EFNA5: variants seen among roughly 807,000 people sequenced by gnomAD.
EFNA5 encodes the protein ephrin A5.
EFNA5 carries 5 observed loss-of-function variants against 22.9 expected under a neutral mutation model. The ratio of observed to expected loss-of-function variants is 0.22; its 90% confidence interval spans 0.11 to 0.46. The LOEUF is 0.46. Among genes scored for constraint, EFNA5 ranks in the 20% least tolerant of loss-of-function variants. The probability of loss-of-function intolerance (pLI) is 0.99; values close to 1 mark genes in which losing one functional copy is unlikely to be tolerated. For missense variants in EFNA5, 237 were observed against 293.3 expected, an observed-to-expected ratio of 0.81 and a Z score of 1.40; for synonymous variants, 113 against 112.2, an observed-to-expected ratio of 1.01 and a Z score of -0.04.
chr5:107,454,063 A>G (rs1835111), intron 1 of EFNA5, among the ~76,000 whole-genome samples: 27,326 of 152,094 alleles, frequency 0.18, 3,175 homozygotes, highest in South Asian at 0.37. Flanking sequence ...ACAAAAGCCA[A>G]TAATTCCCTT....
intron 1 of EFNA5, among the ~76,000 whole-genome samples, chr5:107,590,997 T>C (rs1010533118): frequency 2.0e-5 from 3 of 152,148 alleles, no homozygotes; most frequent in Non-Finnish European, 4.4e-5. Context: ...AAAGCTATCA[T>C]TGTACATATT....
At chr5:107,447,971 C>T (rs1283663869) in intron 1 of EFNA5, among the ~76,000 whole-genome samples, 19 of 152,114 alleles carry the variant, frequency 1.2e-4, no homozygotes, top group African/African-American at 4.6e-4. Flanking sequence ...CTCAGCCTCC[C>T]GAGTAGCTGG....
At chr5:107,605,511 T>C (rs551303176) in intron 1 of EFNA5, among the ~76,000 whole-genome samples, 1 of 152,300 alleles carries the variant, frequency 6.6e-6, no homozygotes, top group East Asian at 1.9e-4. Flanking sequence ...GATTTAAGGC[T>C]GACCTACCAG....
intron 1 of EFNA5, among the ~76,000 whole-genome samples, chr5:107,569,703 T>C (rs1226343210): frequency 4.1e-5 from 6 of 146,808 alleles, no homozygotes; most frequent in African/African-American, 1.2e-4. Flanking sequence ...TACAAAAAAA[T>C]TAGCCAGGCA....
rs34019093 is a variant in EFNA5 at position 107,637,837 on chromosome 5, T to TTTTATTTA, written c.125+32644_125+32651dup. Among the ~76,000 whole-genome samples, 816 of 147,740 alleles carry TTTTATTTA rather than the reference T, an allele frequency of 5.5e-3. 6 individuals are homozygous for TTTTATTTA. The highest frequency in any genetic ancestry group is 9.3e-3 in the Non-Finnish European group (622 of 66,864). On this transcript the variant is annotated intron_variant, in intron 1 of 4. Transcript: ENST00000333274. ...ACAAAAAACTAAGCTAACAGTTTAT[T>TTTTATTTA]TTTATTTATTTATTTATTTATTTAT...
intron 1 of EFNA5, among the ~76,000 whole-genome samples, chr5:107,623,589 A>G (rs1287409272): frequency 6.6e-6 from 1 of 152,186 alleles, no homozygotes; most frequent in African/African-American, 2.4e-5. Context: ...TCCATGAAGT[A>G]CTGTACAGCA....
At chr5:107,392,990 C>T (rs536748252) in intron 2 of EFNA5, among the ~76,000 whole-genome samples, 3 of 152,332 alleles carry the variant, frequency 2.0e-5, no homozygotes, top group East Asian at 1.9e-4. Context: ...CATTTTCCTT[C>T]GCATACAACT....
At chr5:107,538,274 A>C (rs1747967261) in intron 1 of EFNA5, among the ~76,000 whole-genome samples, 1 of 152,224 alleles carries the variant, frequency 6.6e-6, no homozygotes, top group Non-Finnish European at 1.5e-5. Flanking sequence ...TTGTCCATCC[A>C]AATTCATTTT....
intron 1 of EFNA5, among the ~76,000 whole-genome samples, chr5:107,665,792 A>C (rs1196545535): frequency 6.6e-6 from 1 of 152,138 alleles, no homozygotes; most frequent in East Asian, 1.9e-4. Context: ...AAAAAACAGG[A>C]ATCATACTTC....
chr5:107,493,503 A>G (rs1746871743), intron 1 of EFNA5, among the ~76,000 whole-genome samples: 1 of 152,232 alleles, frequency 6.6e-6, no homozygotes, highest in Non-Finnish European at 1.5e-5. Flanking sequence ...CCTAAATACC[A>G]TGGCTCCAAT....
chr5:107,545,306 A>G (rs1157090813), intron 1 of EFNA5, among the ~76,000 whole-genome samples: 1 of 152,244 alleles, frequency 6.6e-6, no homozygotes, highest in Admixed American at 6.5e-5. Flanking sequence ...CACATGCAGT[A>G]TTTCTAATGA....
At chr5:107,406,219 C>A (rs1026180436) in intron 2 of EFNA5, among the ~76,000 whole-genome samples, 7 of 148,790 alleles carry the variant, frequency 4.7e-5, no homozygotes, top group African/African-American at 1.7e-4. Context: ...ATAATGTATA[C>A]AAATATTAAA....
At position 107,670,745 on chromosome 5, in the gene EFNA5, T is replaced by A. The variant is rs35553; in HGVS notation, c.-132A>T. ...AAATATGAATAAATAAAAATGAAAG[T>A]GGGCGAGAAAGGAAAGAGGCGCCCA... is the stretch of plus-strand genomic sequence containing the variant. On this transcript the variant is annotated 5_prime_UTR_variant, in exon 1 of 5. Coordinates refer to ENST00000333274, the MANE Select transcript of EFNA5 (RefSeq NM_001962.3). The A allele has an allele frequency of 3.1e-6, 4 of 1,298,036 alleles. No homozygotes were observed. Among genetic ancestry groups the A allele is most frequent in the Non-Finnish European group, 4.2e-6 (4 of 955,716 alleles). The allele number at this position is 1,298,036 out of a possible 1,614,324, so 80.4% of individuals were successfully genotyped here.
intron 1 of EFNA5, among the ~76,000 whole-genome samples, chr5:107,659,526 T>G (rs979572922): frequency 6.6e-6 from 1 of 150,856 alleles, no homozygotes; most frequent in Non-Finnish European, 1.5e-5. Context: ...AGTTTCCTTT[T>G]CTTTCTCAAA....
chr5:107,429,364 C>G (rs748606081), intron 1 of EFNA5, among the ~76,000 whole-genome samples: 1 of 152,136 alleles, frequency 6.6e-6, no homozygotes, highest in Non-Finnish European at 1.5e-5. Flanking sequence ...AAGAATGGCA[C>G]GAACCTGGAA....
At chr5:107,484,577 A>G (rs187776689) in intron 1 of EFNA5, among the ~76,000 whole-genome samples, 126 of 152,318 alleles carry the variant, frequency 8.3e-4, no homozygotes, top group African/African-American at 2.9e-3. Context: ...CCAATGAGAC[A>G]AACTGTATAA....
intron 1 of EFNA5, among the ~76,000 whole-genome samples, chr5:107,532,844 A>C (rs894977102): frequency 1.3e-5 from 2 of 152,218 alleles, no homozygotes; most frequent in African/African-American, 4.8e-5. Context: ...TTAAGTATGA[A>C]TACTTTACGC....
intron 1 of EFNA5, among the ~76,000 whole-genome samples, chr5:107,515,235 AC>A (rs1561419240): frequency 6.6e-6 from 1 of 150,878 alleles, no homozygotes; most frequent in Non-Finnish European, 1.5e-5. Context: ...ATGGGGTTCC[AC>A]CATGTTGGCC....
intron 1 of EFNA5, among the ~76,000 whole-genome samples, chr5:107,651,191 C>A (rs1443116233): frequency 2.6e-5 from 4 of 152,094 alleles, no homozygotes; most frequent in Non-Finnish European, 5.9e-5. Flanking sequence ...GGCCAAGGGA[C>A]CTTTGGCTAG....
Sources: allele counts gnomAD v4.1 joint callset (sites outside exome capture counted in the v4.1 genomes callset), GRCh38; gene constraint gnomAD v4.1.1; transcripts MANE v1.5; gene names NCBI Gene and HGNC (gene_info 2026-07-23, HGNC 2026-07-21).